ZBTB7C: variants seen among roughly 807,000 people sequenced by gnomAD.
ZBTB7C encodes zinc finger and BTB domain containing 7C.
ZBTB7C carries 8 observed loss-of-function variants against 25.7 expected under a neutral mutation model. The observed-to-expected ratio is 0.31, with a 90% CI of 0.18 to 0.56. The LOEUF (loss-of-function observed/expected upper bound fraction) is 0.56, where lower values mean the gene tolerates loss of function less well. ZBTB7C is among the 20% of genes least tolerant of loss of function. The probability of loss-of-function intolerance (pLI) is 0.91; values close to 1 mark genes in which losing one functional copy is unlikely to be tolerated. For synonymous variants in ZBTB7C, 394 were observed against 369.0 expected (o/e 1.07, Z -0.78); for missense variants, 824 against 855.2 (o/e 0.96, Z 0.46).
chr18:48,277,719 A>C (rs1367621441), intron 2 of ZBTB7C, among the ~76,000 whole-genome samples: 9 of 152,330 alleles, frequency 5.9e-5, no homozygotes, highest in Admixed American at 2.0e-4. Context: ...GGAGGCTCCC[A>C]CAACAGAAAT....
At position 48,040,532 on chromosome 18, in the gene ZBTB7C, T is replaced by C. The variant is rs114461217; in HGVS notation, c.576A>G (p.Thr192=). Residue 192 remains threonine, a synonymous_variant, in exon 4 of 5, where the codon ACA becomes ACG. Coordinates refer to ENST00000590800, the MANE Select transcript of ZBTB7C (RefSeq NM_001318841.2). ...DISCHQSPSK[T]DHLTEKAYSD... ...AATAGGCCTTCTCTGTGAGATGGTCTGTCTTGGAAGGGCTTTGGTGGCAGC... is the reference window on the plus strand; with the variant it reads ...AATAGGCCTTCTCTGTGAGATGGTCCGTCTTGGAAGGGCTTTGGTGGCAGC... 2,313 of 1,613,976 alleles carry C rather than the reference T, an allele frequency of 1.4e-3. 37 individuals carry two copies. The African/African-American group carries it at 0.027, about 19-fold the overall frequency.
chr18:48,234,146 CA>C (rs998908675), intron 2 of ZBTB7C, among the ~76,000 whole-genome samples: 541 of 141,368 alleles, frequency 3.8e-3, no homozygotes, highest in Non-Finnish European at 5.3e-3. Context: ...CAAGATCCAG[CA>C]AAAAAAAAAA....
chr18:48,244,312 G>T (rs2043616374), intron 2 of ZBTB7C, among the ~76,000 whole-genome samples: 1 of 152,160 alleles, frequency 6.6e-6, no homozygotes, highest in African/African-American at 2.4e-5. Flanking sequence ...CTACTCGGGA[G>T]GCTGAGGCAG....
Position 48,136,490 on chromosome 18 carries a change from A to C in ZBTB7C, c.-17+49444T>G, listed in dbSNP as rs532912819. 3.9e-5 allele frequency among the ~76,000 whole-genome samples: 6 copies of C among 152,186 alleles called. No homozygotes were observed. In the South Asian group the frequency reaches 1.2e-3, roughly 32 times the overall value. Reference sequence around the variant, plus strand: ...GTATCGCCGGCCCTCGACTTTTGCCAAGTTGCCATGGCTTTTGTCCCCCCT... The same window carrying C: ...GTATCGCCGGCCCTCGACTTTTGCCCAGTTGCCATGGCTTTTGTCCCCCCT... On this transcript the variant is annotated intron_variant, in intron 3 of 4. Transcript: ENST00000590800.
chr18:48,306,675 C>T (rs1178157103), intron 2 of ZBTB7C, among the ~76,000 whole-genome samples: 1 of 152,164 alleles, frequency 6.6e-6, no homozygotes, highest in African/African-American at 2.4e-5. Context: ...TCTGTCCTCT[C>T]CTCTTCTCCT....
At chr18:48,345,809 T>C (rs764974174) in intron 1 of ZBTB7C, among the ~76,000 whole-genome samples, 87 of 152,298 alleles carry the variant, frequency 5.7e-4, no homozygotes, top group South Asian at 1.9e-3. Flanking sequence ...GCAAACCAAG[T>C]GCAAGGCCCA....
At chr18:48,055,723 C>G (rs1156688945) in intron 3 of ZBTB7C, among the ~76,000 whole-genome samples, 1 of 152,206 alleles carries the variant, frequency 6.6e-6, no homozygotes, top group Non-Finnish European at 1.5e-5. Flanking sequence ...AAGAATAGTT[C>G]ACCTGATTCA....
chr18:48,304,841 C>A (rs1217938705), intron 2 of ZBTB7C, among the ~76,000 whole-genome samples: 175 of 90,152 alleles, frequency 1.9e-3, no homozygotes, highest in Middle Eastern at 5.9e-3. Context: ...GGCTCTACCT[C>A]AAAAAAAAAA....
At chr18:48,053,126 G>A (rs1214199183) in intron 3 of ZBTB7C, among the ~76,000 whole-genome samples, 3 of 152,224 alleles carry the variant, frequency 2.0e-5, no homozygotes, top group Non-Finnish European at 4.4e-5. Context: ...GACTCAACAG[G>A]TTGGTAAAAG....
rs574200302 is a variant in ZBTB7C at position 48,279,256 on chromosome 18, C to T, written c.-79+58918G>A. Among the ~76,000 whole-genome samples, 4 of 152,270 alleles carry T rather than the reference C, an allele frequency of 2.6e-5. No individual in the cohort carries two copies. In the East Asian group the frequency reaches 5.8e-4, roughly 22 times the overall value. ...TGCCCTGACATCCAGTACTTACAGG[C>T]CTTGGTCTCTTTCCAGTCTGAAGTG... On this transcript the variant is annotated intron_variant, in intron 2 of 4. Coordinates refer to ENST00000590800, the MANE Select transcript of ZBTB7C (RefSeq NM_001318841.2).
At chr18:48,105,641 C>T (rs1400937044) in intron 3 of ZBTB7C, among the ~76,000 whole-genome samples, 1 of 152,092 alleles carries the variant, frequency 6.6e-6, no homozygotes, top group African/African-American at 2.4e-5. Flanking sequence ...TAGTCCTGCT[C>T]AGTGGTGTGC....
chr18:48,089,084 G>C (rs925819332), intron 3 of ZBTB7C, among the ~76,000 whole-genome samples: 6 of 152,144 alleles, frequency 3.9e-5, no homozygotes, highest in African/African-American at 1.4e-4. Context: ...ATTTTGAAAA[G>C]ACAAAGCCCT....
chr18:48,278,407 C>T (rs796729948), intron 2 of ZBTB7C, among the ~76,000 whole-genome samples: 29 of 152,168 alleles, frequency 1.9e-4, no homozygotes, highest in African/African-American at 6.5e-4. Context: ...GAGAGAAAAG[C>T]TGTCTCCACA....
chr18:48,332,398 C>CT (rs1460622572), intron 2 of ZBTB7C, among the ~76,000 whole-genome samples: 1 of 152,278 alleles, frequency 6.6e-6, no homozygotes, highest in East Asian at 1.9e-4. Context: ...AGTGTCCTCC[C>CT]TTTCACATGG....
chr18:48,159,046 AGAGGCGACAGGG>A (rs1408662052), intron 3 of ZBTB7C, among the ~76,000 whole-genome samples: 1 of 152,190 alleles, frequency 6.6e-6, no homozygotes, highest in Non-Finnish European at 1.5e-5. Context: ...CCCCTTTCTC[AGAGGCGACAGGG>A]GATGCAGAGA....
At chr18:48,388,696 A>C (rs4940367) in intron 1 of ZBTB7C, among the ~76,000 whole-genome samples, 109,077 of 152,052 alleles carry the variant, frequency 0.72, 39,275 homozygotes, top group East Asian at 0.8. Context: ...CTACAGTGAA[A>C]CATGATTGCA....
chr18:48,402,960 G>A (rs186712010), intron 1 of ZBTB7C, among the ~76,000 whole-genome samples: 1 of 152,304 alleles, frequency 6.6e-6, no homozygotes, highest in Admixed American at 6.5e-5. Context: ...CCAGTTCAGT[G>A]GGGTTTGGAA....
At chr18:48,296,180 C>G (rs371951045) in intron 2 of ZBTB7C, among the ~76,000 whole-genome samples, 3 of 152,200 alleles carry the variant, frequency 2.0e-5, no homozygotes, top group African/African-American at 7.2e-5. Flanking sequence ...CACCACCCCC[C>G]ACCACCTGCT....
intron 1 of ZBTB7C, among the ~76,000 whole-genome samples, chr18:48,340,301 CA>C (rs2046568215): frequency 1.3e-5 from 2 of 152,342 alleles, no homozygotes; most frequent in Non-Finnish European, 2.9e-5. Flanking sequence ...GTAGCAGATC[CA>C]TAGAGTTTGG....
Sources: gnomAD v4.1 joint callset for allele counts (sites outside exome capture counted in the v4.1 genomes callset) on GRCh38, gnomAD v4.1.1 for gene constraint, MANE v1.5 for transcripts, NCBI Gene and HGNC (gene_info 2026-07-23, HGNC 2026-07-21) for gene names.